Variants in SPATA22 observed in about 807,000 individuals in gnomAD.
SPATA22 encodes spermatogenesis associated 22.
SPATA22 carries 29 observed loss-of-function variants against 47.8 expected under a neutral mutation model. The ratio of observed to expected loss-of-function variants is 0.61; its 90% CI spans 0.45 to 0.83. The LOEUF is 0.83. SPATA22 is among the 40% of genes least tolerant of loss of function. SPATA22 has a pLI of 0.00. For synonymous variants in SPATA22, 133 were observed against 140.9 expected (o/e 0.94, Z 0.40); for missense variants, 410 against 421.7 (o/e 0.97, Z 0.24).
chr17:3,447,976 G>A (rs192515318), intron 6 of SPATA22, among the ~76,000 whole-genome samples: 203 of 152,282 alleles, frequency 1.3e-3, no homozygotes, highest in Non-Finnish European at 2.3e-3. Flanking sequence ...GGGCCAAGGG[G>A]CCAGGGAGCA....
chr17:3,512,778 C>T (rs995792719), intron 1 of SPATA22: 1 of 151,966 alleles, frequency 6.6e-6, no homozygotes, highest in African/African-American at 2.4e-5. Flanking sequence ...TTTTCTCTCA[C>T]AAGCTTCCCC....
In SPATA22 at chr17:3,507,672, T is replaced by C. The variant is rs559974967; in HGVS notation, c.-74+5740A>G. ...ATGTCATTCCGTCTGTCTCCAAGTC[T>C]CGATTTCCCTACCTATTAAACTGGG... On this transcript the variant is annotated intron_variant, in intron 1 of 8. Coordinates refer to the SPATA22 transcript ENST00000541913. Among the ~76,000 whole-genome samples, 76 of 152,294 alleles carry C rather than the reference T, an allele frequency of 5.0e-4. 1 individual carries two copies. The highest frequency in any genetic ancestry group is 7.5e-4 in the Non-Finnish European group (51 of 68,026).
At position 3,485,362 on chromosome 17, in the gene SPATA22, C is replaced by T. The variant is rs1299106353; in HGVS notation, c.-73-15964G>A. On this transcript the variant is annotated intron_variant, in intron 1 of 8. Transcript: ENST00000541913. The surrounding 1 kb of genome is among the most constrained non-coding windows in gnomAD (Gnocchi z 4.4). Reference sequence around the variant, plus strand: ...CCCACACAGACTTATACAAACTTATCCATTCCTTCCCATGCAGGTTCTATA... The same window carrying T: ...CCCACACAGACTTATACAAACTTATTCATTCCTTCCCATGCAGGTTCTATA... Among the ~76,000 whole-genome samples the T allele has an allele frequency of 1.3e-5, 2 of 152,050 alleles. No homozygotes were observed. The highest frequency in any genetic ancestry group is 4.2e-4 in the South Asian group (2 of 4,814).
chr17:3,448,721 GC>G, intron 6 of SPATA22, 85 bp downstream of exon 6: 1 of 938,676 alleles, frequency 1.1e-6, no homozygotes, highest in Non-Finnish European at 1.5e-6. Context: ...TTTATTTCAG[GC>G]GCTCTTATCT....
chr17:3,475,107 A>G (rs1198275239), upstream of SPATA22, among the ~76,000 whole-genome samples: 1 of 152,260 alleles, frequency 6.6e-6, no homozygotes, highest in Non-Finnish European at 1.5e-5. Context: ...ACCTGGCGTT[A>G]CTAGTACATG....
At chr17:3,504,353 T>C (rs1489518659) in intron 1 of SPATA22, among the ~76,000 whole-genome samples, 1 of 152,074 alleles carries the variant, frequency 6.6e-6, no homozygotes, top group Non-Finnish European at 1.5e-5. Context: ...TACTGGAACA[T>C]CTTCATCTTC....
At chr17:3,441,604 A>C (rs1410921519) in intron 8 of SPATA22, 2 of 152,100 alleles carry the variant, frequency 1.3e-5, no homozygotes, top group African/African-American at 4.8e-5. Flanking sequence ...GGCAATATCT[A>C]CTGTATTTGA....
intron 2 of SPATA22, 34 bp downstream of exon 2, chr17:3,469,249 A>G: frequency 1.0e-6 from 1 of 997,318 alleles, no homozygotes; most frequent in Non-Finnish European, 1.5e-6. Context: ...TATATGCTAT[A>G]CAGAAAATTT....
At chr17:3,507,353 G>A (rs1282801987) in intron 1 of SPATA22, among the ~76,000 whole-genome samples, 1 of 152,148 alleles carries the variant, frequency 6.6e-6, no homozygotes, top group African/African-American at 2.4e-5. Flanking sequence ...AAATATTCAT[G>A]TCCTTCTCCC....
intron 5 of SPATA22, among the ~76,000 whole-genome samples, chr17:3,459,382 C>A (rs974516447): frequency 6.6e-6 from 1 of 152,088 alleles, no homozygotes; most frequent in Non-Finnish European, 1.5e-5. Flanking sequence ...TCAGGTTGTA[C>A]ACCTTAAATA....
chr17:3,462,258 G>C (rs904880418), intron 5 of SPATA22, among the ~76,000 whole-genome samples: 2 of 152,166 alleles, frequency 1.3e-5, no homozygotes, highest in African/African-American at 4.8e-5. Context: ...AGAATCTTTT[G>C]AAGCATAATC....
rs2072791577 is a variant in SPATA22, at chr17:3,448,983, A to C, written c.496T>G (p.Leu166Val). 12 of 1,614,054 alleles carry C rather than the reference A, an allele frequency of 7.4e-6. No homozygotes were observed. The highest frequency in any genetic ancestry group is 1.3e-5 in the African/African-American group (1 of 75,024). The change falls in exon 6 of 9, where the codon TTA becomes GTA. Residue 166 changes from leucine to valine, a missense_variant. Transcript: ENST00000572969. Reference protein sequence around the residue: ...KQLRIPEPPNLSRNKETELLR... With the variant: ...KQLRIPEPPNVSRNKETELLR... ...AGCTCGGTTTCTTTGTTGCGAGATA[A>C]GTTAGGAGGTTCAGGTATTCTTAAT...
intron 1 of SPATA22, chr17:3,502,841 C>T (rs1388427219): frequency 1.3e-5 from 2 of 152,222 alleles, no homozygotes; most frequent in African/African-American, 4.8e-5. Flanking sequence ...CACCCTTATT[C>T]GCAGGCAAGG....
At chr17:3,496,851 G>A (rs946818953) in intron 1 of SPATA22, among the ~76,000 whole-genome samples, 9 of 152,240 alleles carry the variant, frequency 5.9e-5, no homozygotes, top group South Asian at 4.1e-4. Flanking sequence ...CGGATCACGC[G>A]GTCAGGAGAT....
chr17:3,491,723 C>T (rs979736787), intron 1 of SPATA22, among the ~76,000 whole-genome samples: 31 of 151,196 alleles, frequency 2.1e-4, no homozygotes, highest in African/African-American at 7.1e-4. Flanking sequence ...ACTCCAGCCT[C>T]GGTGACAGAG....
intron 1 of SPATA22, among the ~76,000 whole-genome samples, chr17:3,506,670 G>A (rs943925327): frequency 1.3e-5 from 2 of 152,124 alleles, no homozygotes; most frequent in South Asian, 2.1e-4. Flanking sequence ...GCAGGGCCAC[G>A]CACAGGGACC....
At chr17:3,498,829 A>G in intron 1 of SPATA22, 1 of 1,373,944 alleles carries the variant, frequency 7.3e-7, no homozygotes, top group Non-Finnish European at 9.6e-7. Context: ...CTAGAGTCTG[A>G]CATAAATTTT....
intron 5 of SPATA22, among the ~76,000 whole-genome samples, chr17:3,452,878 C>A (rs66825962): frequency 0.23 from 35,592 of 151,982 alleles, 4,445 homozygotes; most frequent in East Asian, 0.42. Context: ...AGGAGATTAA[C>A]GAAGTAATCA....
In SPATA22 at chr17:3,465,085, C is replaced by A. The variant is rs866017073; in HGVS notation, c.173-2318G>T. ...GGGAGGTGGGGGGTCAGCCCCTCCA[C>A]CCGGCAGCCACCCCGTCTGGGAAGT... On this transcript the variant is annotated intron_variant, in intron 3 of 8. Transcript: ENST00000572969. Among the ~76,000 whole-genome samples, 4 of 133,994 alleles carry A rather than the reference C, an allele frequency of 3.0e-5. 2 individuals carry two copies. The highest frequency in any genetic ancestry group is 6.6e-5 in the Non-Finnish European group (4 of 60,240). 87.9% of individuals were successfully genotyped at this position (133,994 alleles called of 152,430 possible).
Sources: gnomAD v4.1 joint callset for allele counts (sites outside exome capture counted in the v4.1 genomes callset) on GRCh38, gnomAD v4.1.1 for gene constraint, Gnocchi (gnomAD v3.1) non-coding constraint, MANE v1.5 for transcripts, NCBI Gene and HGNC (gene_info 2026-07-23, HGNC 2026-07-21) for gene names.